TMEM61: variants seen among roughly 807,000 people sequenced by gnomAD.
TMEM61 encodes transmembrane protein 61.
TMEM61 carries 13 observed loss-of-function variants against 12.0 expected under a neutral mutation model. That is an observed-to-expected ratio of 1.08 (90% CI 0.70 to 1.72). The LOEUF is 1.72. Among genes scored for constraint, TMEM61 ranks in the 40% most tolerant of loss-of-function variants. The probability of loss-of-function intolerance (pLI) is 0.00; values close to 1 mark genes in which losing one functional copy is unlikely to be tolerated. For synonymous variants in TMEM61, 109 were observed against 121.4 expected (o/e 0.90, Z 0.67); for missense variants, 249 against 276.9 (o/e 0.90, Z 0.71).
chr1:54,991,270 A>G (rs1368191203), intron 2 of TMEM61, among the ~76,000 whole-genome samples: 1 of 152,232 alleles, frequency 6.6e-6, no homozygotes, highest in African/African-American at 2.4e-5. Flanking sequence ...CAAACTGTCC[A>G]GAGATAGAAG....
At chr1:54,983,820 T>C (rs1644239886) in intron 1 of TMEM61, among the ~76,000 whole-genome samples, 1 of 152,136 alleles carries the variant, frequency 6.6e-6, no homozygotes, top group Non-Finnish European at 1.5e-5. Flanking sequence ...GCTCTTTGAC[T>C]TTGGGGATGG....
Position 54,986,186 on chromosome 1 carries a change from C to T in TMEM61, c.105C>T (p.Phe35=), listed in dbSNP as rs1489620406. ...TVVLVAGTLC[F]AWWSEGDATA... ...TTCTGGTGGCCGGGACGCTCTGCTT[C>T]GCTTGGTGGAGCGAAGGGGATGCAA... The change falls in exon 2 of 3, where the codon TTC becomes TTT. Residue 35 remains phenylalanine, a synonymous_variant. Transcript: ENST00000371268. 1.8e-5 allele frequency: 29 copies of T among 1,613,678 alleles called. No homozygotes were observed. Among genetic ancestry groups the T allele is most frequent in the African/African-American group, 6.7e-5 (5 of 74,952 alleles).
At position 54,981,055 on chromosome 1, in the gene TMEM61, C is replaced by G. The variant is rs762537591; in HGVS notation, c.-11C>G. On this transcript the variant is annotated 5_prime_UTR_variant, in exon 1 of 3. Coordinates refer to ENST00000371268, the MANE Select transcript of TMEM61 (RefSeq NM_182532.3). ...CTGCGCGCCTGGACAGCGCCTGCTG[C>G]CCGCCTCCCGATGGCCCTGCCCCAG... is the stretch of plus-strand genomic sequence containing the variant. The G allele has an allele frequency of 1.3e-6, 2 of 1,579,096 alleles. No homozygotes were observed. The highest frequency in any genetic ancestry group is 2.3e-5 in the South Asian group (2 of 86,022).
rs780127208 is a variant in TMEM61 at position 54,983,109 on chromosome 1, G to GTT, written c.15+2040_15+2041dup. Reference sequence around the variant, plus strand: ...TTAGTGGTGATTTGTGTTTTGCTTTGTTTTTTTTTTTTGTTTTTTTTTGAG... The same window carrying GTT: ...TTAGTGGTGATTTGTGTTTTGCTTTGTTTTTTTTTTTTTTGTTTTTTTTTGAG... On this transcript the variant is annotated intron_variant, in intron 1 of 2. Transcript: ENST00000371268. Among the ~76,000 whole-genome samples, 365 of 109,494 alleles carry GTT rather than the reference G, an allele frequency of 3.3e-3. 46 individuals carry two copies. The highest frequency in any genetic ancestry group is 9.8e-3 in the African/African-American group (309 of 31,616). The allele number at this position is 109,494 out of a possible 152,430, so 71.8% of individuals were successfully genotyped here.
chr1:54,985,357 C>T (rs1435783252), intron 1 of TMEM61, among the ~76,000 whole-genome samples: 1 of 152,140 alleles, frequency 6.6e-6, no homozygotes. Flanking sequence ...CTGCCTCAGC[C>T]TCCCGAGTAG....
chr1:54,989,059 C>G (rs945134433), intron 2 of TMEM61, among the ~76,000 whole-genome samples: 1 of 152,190 alleles, frequency 6.6e-6, no homozygotes, highest in African/African-American at 2.4e-5. Flanking sequence ...CACACATCTG[C>G]TTTCTCTGCT....
chr1:54,984,956 T>G (rs988728263), intron 1 of TMEM61, among the ~76,000 whole-genome samples: 5 of 152,168 alleles, frequency 3.3e-5, no homozygotes, highest in Non-Finnish European at 7.3e-5. Context: ...TTCCAGGTTT[T>G]TCCCCCCGTG....
At chr1:54,982,132 G>T (rs924703699) in intron 1 of TMEM61, among the ~76,000 whole-genome samples, 2 of 152,150 alleles carry the variant, frequency 1.3e-5, no homozygotes, top group Non-Finnish European at 2.9e-5. Flanking sequence ...GCAGGGATTT[G>T]AACTCAGAGA....
chr1:54,986,225 C>G lies in TMEM61; in HGVS notation c.144C>G (p.Gly48=). Residue 48 remains glycine, a synonymous_variant, in exon 2 of 3, where the codon GGC becomes GGG. Coordinates refer to ENST00000371268, the MANE Select transcript of TMEM61 (RefSeq NM_182532.3). ...AAGGGGATGCAACCGCCCAGCCTGG[C>G]CAGCTGGCCCCACCCACGGAGTATC... The part of the protein sequence containing the change: ...WSEGDATAQP[G]QLAPPTEYPV... The G allele has an allele frequency of 4.3e-6, 7 of 1,613,804 alleles. No individual in the cohort carries two copies. Among genetic ancestry groups the G allele is most frequent in the Non-Finnish European group, 5.9e-6 (7 of 1,179,980 alleles).
intron 2 of TMEM61, among the ~76,000 whole-genome samples, chr1:54,990,235 T>C (rs1234005494): frequency 1.3e-5 from 2 of 152,018 alleles, no homozygotes; most frequent in Non-Finnish European, 2.9e-5. Flanking sequence ...GTTCCATGTT[T>C]GGGACTCCTG....
chr1:54,990,960 T>C (rs920754690), intron 2 of TMEM61, among the ~76,000 whole-genome samples: 11 of 152,116 alleles, frequency 7.2e-5, no homozygotes, highest in African/African-American at 2.7e-4. Flanking sequence ...ACCCTCAGTG[T>C]TGGAAGGGAC....
Position 54,980,979 on chromosome 1 carries a change from C to G in TMEM61, c.-87C>G, listed in dbSNP as rs1644215271. On this transcript the variant is annotated 5_prime_UTR_variant, in exon 1 of 3. Coordinates refer to ENST00000371268, the MANE Select transcript of TMEM61 (RefSeq NM_182532.3). ...ACCCGAGGGTCGCCGCTGGTAGGGT[C>G]GCTCAGCCCTGGCGTCCTCCACCAC... 12 of 1,410,248 alleles carry G rather than the reference C, an allele frequency of 8.5e-6. No individual in the cohort carries two copies. In the Admixed American group the frequency reaches 1.2e-4, roughly 14 times the overall value. The allele number at this position is 1,410,248 out of a possible 1,614,324, so 87.4% of individuals were successfully genotyped here.
In TMEM61 at chr1:54,992,036, C is replaced by T. The variant is rs1345077024; in HGVS notation, c.566C>T (p.Ala189Val). Reference protein sequence around the residue: ...SISLALDAVSAETTPSATRSC... With the variant: ...SISLALDAVSVETTPSATRSC... ...AGCCTTGCTCTTGATGCCGTTTCTGCGGAGACGACACCGAGTGCCACACGC... is the reference window on the plus strand; with the variant it reads ...AGCCTTGCTCTTGATGCCGTTTCTGTGGAGACGACACCGAGTGCCACACGC... The change falls in exon 3 of 3, where the codon GCG becomes GTG. Residue 189 changes from alanine to valine, a missense_variant. Coordinates refer to ENST00000371268, the MANE Select transcript of TMEM61 (RefSeq NM_182532.3). 2 of 1,613,810 alleles carry T rather than the reference C, an allele frequency of 1.2e-6. No individual in the cohort carries two copies. The highest frequency in any genetic ancestry group is 1.7e-5 in the Admixed American group (1 of 60,010).
intron 1 of TMEM61, among the ~76,000 whole-genome samples, chr1:54,982,780 C>T (rs1644231739): frequency 6.6e-6 from 1 of 152,200 alleles, no homozygotes; most frequent in Admixed American, 6.5e-5. Flanking sequence ...GGATTTGACT[C>T]AGACTAGACC....
chr1:54,989,512 C>T (rs1413555024), intron 2 of TMEM61, among the ~76,000 whole-genome samples: 1 of 152,234 alleles, frequency 6.6e-6, no homozygotes, highest in Non-Finnish European at 1.5e-5. Flanking sequence ...ATGGCACTTC[C>T]TGTGCGGGGA....
At chr1:54,983,979 G>C (rs1438961210) in intron 1 of TMEM61, among the ~76,000 whole-genome samples, 1 of 152,164 alleles carries the variant, frequency 6.6e-6, no homozygotes, top group Non-Finnish European at 1.5e-5. Flanking sequence ...CAGAGGTCTA[G>C]GGGTGCAGAA....
intron 2 of TMEM61, among the ~76,000 whole-genome samples, chr1:54,989,844 TC>T (rs1644283875): frequency 6.6e-6 from 1 of 152,142 alleles, no homozygotes; most frequent in South Asian, 2.1e-4. Context: ...TGTCCAGGGC[TC>T]TAAGTGGGGC....
intron 1 of TMEM61, among the ~76,000 whole-genome samples, chr1:54,984,957 T>TC (rs1163533057): frequency 2.0e-5 from 3 of 152,126 alleles, no homozygotes; most frequent in African/African-American, 4.8e-5. Context: ...TCCAGGTTTT[T>TC]CCCCCCGTGC....
intron 1 of TMEM61, among the ~76,000 whole-genome samples, chr1:54,983,173 A>G (rs148317420): frequency 0.044 from 5,789 of 130,430 alleles, 363 homozygotes; most frequent in African/African-American, 0.15. Flanking sequence ...GAGTGCAGTG[A>G]CGCAATCTCG....
Sources: allele counts gnomAD v4.1 joint callset (sites outside exome capture counted in the v4.1 genomes callset), GRCh38; gene constraint gnomAD v4.1.1; transcripts MANE v1.5; gene names NCBI Gene and HGNC (gene_info 2026-07-23, HGNC 2026-07-21).